Variants in AGBL4 observed in about 807,000 individuals in gnomAD.
The protein encoded by AGBL4 is cytosolic carboxypeptidase 6.
AGBL4 carries 58 observed loss-of-function variants against 66.4 expected under a neutral mutation model. The ratio of observed to expected loss-of-function variants is 0.87; its 90% CI spans 0.71 to 1.09. The LOEUF (loss-of-function observed/expected upper bound fraction) is 1.09, where lower values mean the gene tolerates loss of function less well. AGBL4 is among the 50% of genes least tolerant of loss of function. The pLI, the probability that AGBL4 is intolerant of heterozygous loss-of-function variation, is 0.00. For missense variants in AGBL4, 579 were observed against 631.0 expected (o/e 0.92, Z 0.88); for synonymous variants, 234 against 222.9 (o/e 1.05, Z -0.44).
chr1:49,007,830 G>C (rs1434225568), intron 5 of AGBL4, among the ~76,000 whole-genome samples: 3 of 151,904 alleles, frequency 2.0e-5, no homozygotes, highest in African/African-American at 7.2e-5. Context: ...CAAATGCTGA[G>C]AGATTTTGTC....
intron 3 of AGBL4, among the ~76,000 whole-genome samples, chr1:49,445,860 T>C (rs1646143084): frequency 6.6e-6 from 1 of 152,126 alleles, no homozygotes; most frequent in Admixed American, 6.5e-5. Context: ...ATTTATTTAT[T>C]TATTGTTTTG....
chr1:48,555,190 T>C (rs77229432), intron 11 of AGBL4, among the ~76,000 whole-genome samples: 1 of 21,500 alleles, frequency 4.7e-5, no homozygotes, highest in Non-Finnish European at 1.8e-4. Context: ...TAAGATTGTC[T>C]TTTTTTTTTT....
chr1:49,257,877 C>A (rs957505364), intron 3 of AGBL4, among the ~76,000 whole-genome samples: 1 of 152,256 alleles, frequency 6.6e-6, no homozygotes, highest in Non-Finnish European at 1.5e-5. Context: ...GTCCCTGACC[C>A]CTGATCCCTG....
At chr1:49,855,886 A>G (rs1646419629) in intron 1 of AGBL4, among the ~76,000 whole-genome samples, 2 of 152,122 alleles carry the variant, frequency 1.3e-5, no homozygotes, top group African/African-American at 4.8e-5. Context: ...AGAAGAAAAT[A>G]AATAATAAAG....
At chr1:49,798,976 C>G (rs1644795654) in intron 2 of AGBL4, among the ~76,000 whole-genome samples, 1 of 152,008 alleles carries the variant, frequency 6.6e-6, no homozygotes, top group Non-Finnish European at 1.5e-5. Context: ...TGCCAAAATA[C>G]AGTCAGAAAA....
intron 3 of AGBL4, among the ~76,000 whole-genome samples, chr1:49,317,100 A>G (rs241460): frequency 0.69 from 105,316 of 151,614 alleles, 37,470 homozygotes; most frequent in African/African-American, 0.82. Context: ...GGAGAGAAAC[A>G]AAAAAGTAAA....
intron 7 of AGBL4, among the ~76,000 whole-genome samples, chr1:48,653,678 G>A (rs1448187688): frequency 1.3e-5 from 2 of 152,166 alleles, no homozygotes; most frequent in African/African-American, 4.8e-5. Context: ...TGAAGCCCAT[G>A]GGCAGGAGGG....
intron 2 of AGBL4, among the ~76,000 whole-genome samples, chr1:49,825,854 TACAC>T (rs141160951): frequency 6.7e-6 from 1 of 148,208 alleles, no homozygotes; most frequent in African/African-American, 2.5e-5. Flanking sequence ...CACTCACACA[TACAC>T]ACACACACAC....
chr1:49,927,346 C>T (rs1652879023), intron 1 of AGBL4, among the ~76,000 whole-genome samples: 3 of 152,138 alleles, frequency 2.0e-5, no homozygotes. Flanking sequence ...TTTTAATGGA[C>T]TCAAAGTTCC....
intron 4 of AGBL4, among the ~76,000 whole-genome samples, chr1:49,223,542 A>G (rs1570122094): frequency 6.6e-6 from 1 of 152,186 alleles, no homozygotes; most frequent in East Asian, 1.9e-4. Flanking sequence ...AAGACTAACT[A>G]CATAATTTGT....
At chr1:49,047,772 G>T (rs2149061000) in intron 4 of AGBL4, among the ~76,000 whole-genome samples, 1 of 152,198 alleles carries the variant, frequency 6.6e-6, no homozygotes, top group Non-Finnish European at 1.5e-5. Context: ...AGTCTAGTTT[G>T]GTTAAAACAA....
intron 2 of AGBL4, among the ~76,000 whole-genome samples, chr1:49,834,513 T>C (rs1469258255): frequency 6.6e-6 from 1 of 152,188 alleles, no homozygotes; most frequent in African/African-American, 2.4e-5. Context: ...ACCTATTCTG[T>C]TAATCTTTTT....
chr1:49,630,835 A>G (rs1377360995), intron 3 of AGBL4, among the ~76,000 whole-genome samples: 1 of 152,206 alleles, frequency 6.6e-6, no homozygotes, highest in Non-Finnish European at 1.5e-5. Flanking sequence ...AGAGGTAGTC[A>G]AAGAGTTGGA....
intron 2 of AGBL4, among the ~76,000 whole-genome samples, chr1:49,786,459 T>C (rs1644457925): frequency 1.3e-5 from 2 of 152,210 alleles, no homozygotes; most frequent in South Asian, 2.1e-4. Flanking sequence ...CAAGCTTCCA[T>C]TGTTTCATTG....
chr1:49,639,008 C>G (rs530839652), intron 3 of AGBL4, among the ~76,000 whole-genome samples: 3 of 152,232 alleles, frequency 2.0e-5, no homozygotes, highest in Non-Finnish European at 2.9e-5. Flanking sequence ...GTGACCAACA[C>G]AAAGTGCCCT....
intron 3 of AGBL4, among the ~76,000 whole-genome samples, chr1:49,567,297 C>T (rs1644231714): frequency 6.6e-6 from 1 of 152,210 alleles, no homozygotes; most frequent in Non-Finnish European, 1.5e-5. Flanking sequence ...CGGTGCACTG[C>T]ACCCACTGTC....
intron 8 of AGBL4, among the ~76,000 whole-genome samples, chr1:48,639,605 G>A (rs780305647): frequency 2.6e-5 from 4 of 152,234 alleles, no homozygotes; most frequent in East Asian, 3.9e-4. Flanking sequence ...CAAAATATTC[G>A]AGGAAAAGTG....
At chr1:48,789,240 C>T (rs1046220825) in intron 6 of AGBL4, among the ~76,000 whole-genome samples, 23 of 151,932 alleles carry the variant, frequency 1.5e-4, no homozygotes, top group Non-Finnish European at 4.4e-5. Context: ...ACCAACTCCA[C>T]ATAGAAACTG....
chr1:48,532,159 A>T (rs1034752823), downstream of AGBL4, among the ~76,000 whole-genome samples: 2 of 152,064 alleles, frequency 1.3e-5, no homozygotes, highest in African/African-American at 4.8e-5. Context: ...CAGATACCTC[A>T]CTTTCCTAGT....
Sources: gnomAD v4.1 joint callset for allele counts (sites outside exome capture counted in the v4.1 genomes callset) on GRCh38, gnomAD v4.1.1 for gene constraint, MANE v1.5 for transcripts, NCBI Gene and HGNC (gene_info 2026-07-23, HGNC 2026-07-21) for gene names.